The following AFF2 variants were observed in gnomAD, a reference collection of about 807,000 sequenced individuals.
AFF2 encodes AF4/FMR2 family member 2.
A neutral mutation model predicts 76.9 loss-of-function variants in AFF2; 14 were observed. The ratio of observed to expected loss-of-function variants is 0.18; its 90% CI spans 0.12 to 0.28. The LOEUF (loss-of-function observed/expected upper bound fraction) is 0.28. AFF2 is among the 10% of genes least tolerant of loss of function. The pLI, the probability that AFF2 is intolerant of heterozygous loss-of-function variation, is 1.00. For missense variants in AFF2, 868 were observed against 1,001.1 expected, an observed-to-expected ratio of 0.87 and a Z score of 1.79; for synonymous variants, 398 against 366.7, an observed-to-expected ratio of 1.09 and a Z score of -0.98.
intron 3 of AFF2, among the ~76,000 whole-genome samples, chrX:148,708,714 AAAAACAAAAC>A (rs1263909351): frequency 8.9e-6 from 1 of 112,384 alleles, no homozygotes; most frequent in Non-Finnish European, 1.9e-5. Flanking sequence ...ACTCCGTCTC[AAAAACAAAAC>A]AAAACAAAAC....
chrX:148,668,063 C>T (rs1287896087), intron 3 of AFF2, among the ~76,000 whole-genome samples: 1 of 113,024 alleles, frequency 8.8e-6, no homozygotes, highest in Non-Finnish European at 1.9e-5. Context: ...TACAGCTATT[C>T]CAAATGGGAG....
At chrX:148,686,252 C>T (rs73638176) in intron 3 of AFF2, among the ~76,000 whole-genome samples, 5,167 of 111,512 alleles carry the variant, frequency 0.046, 312 homozygotes, top group African/African-American at 0.16. Flanking sequence ...ATCCAGAAAT[C>T]GAGCAATGGG....
intron 3 of AFF2, among the ~76,000 whole-genome samples, chrX:148,745,314 G>C (rs2055407641): frequency 9.0e-6 from 1 of 111,647 alleles, no homozygotes; most frequent in Non-Finnish European, 1.9e-5. Flanking sequence ...TCAGTAAATG[G>C]ATGACCAGAC....
At chrX:148,708,030 C>T (rs782408499) in intron 3 of AFF2, among the ~76,000 whole-genome samples, 4 of 111,839 alleles carry the variant, frequency 3.6e-5, no homozygotes, top group South Asian at 3.7e-4. Flanking sequence ...TACCCTGCAG[C>T]CCCCTAAATC....
chrX:148,853,982 A>G (rs2070759982), intron 7 of AFF2, among the ~76,000 whole-genome samples: 1 of 112,246 alleles, frequency 8.9e-6, no homozygotes, highest in African/African-American at 3.2e-5. Context: ...GTCTTAGAGA[A>G]TGGGATTTGG....
intron 3 of AFF2, among the ~76,000 whole-genome samples, chrX:148,670,905 CATT>C (rs1382586279): frequency 8.9e-6 from 1 of 111,943 alleles, no homozygotes; most frequent in Non-Finnish European, 1.9e-5. Flanking sequence ...TTTTCATTGG[CATT>C]AGTCAAACCC....
chrX:148,658,880 C>T (rs2054278310), intron 2 of AFF2, among the ~76,000 whole-genome samples: 1 of 111,986 alleles, frequency 8.9e-6, no homozygotes, highest in Non-Finnish European at 1.9e-5. Context: ...TTGATATAGA[C>T]AGGGTATGAA....
rs985878818 is a variant in AFF2 at position 148,979,352 on chromosome X, T to A, written c.3570+897T>A. Reference sequence around the variant, plus strand: ...TGGGAAAAAGAGCATGTTTCCCAGCTATTATGTGGTGTGGCCATAATGCCA... The same window carrying A: ...TGGGAAAAAGAGCATGTTTCCCAGCAATTATGTGGTGTGGCCATAATGCCA... On this transcript the variant is annotated intron_variant, in intron 18 of 20. Transcript: ENST00000370460. Among the ~76,000 whole-genome samples, 7 of 112,395 alleles carry A rather than the reference T, an allele frequency of 6.2e-5. 1 individual carries two copies. Among genetic ancestry groups the A allele is most frequent in the Non-Finnish European group, 3.8e-5 (2 of 53,283 alleles).
rs924358884 is a variant in AFF2 at position 148,838,897 on chromosome X, G to A, written c.1173+1164G>A. Among the ~76,000 whole-genome samples the A allele has an allele frequency of 4.0e-4, 45 of 111,901 alleles. 1 individual carries two copies. The highest frequency in any genetic ancestry group is 1.4e-3 in the African/African-American group (44 of 30,747). On this transcript the variant is annotated intron_variant, in intron 5 of 20. Transcript: ENST00000370460. ...TGATCTTCCTTCACCTATGAAAGAG[G>A]TCAGAACTAAACGAACAGCTAATCT...
At chrX:148,704,468 T>TTA (rs1217754228) in intron 3 of AFF2, among the ~76,000 whole-genome samples, 2 of 34,938 alleles carry the variant, frequency 5.7e-5, no homozygotes, top group Non-Finnish European at 1.1e-4. Context: ...GTGTATATAT[T>TTA]TATATATATG....
rs374626798 is a variant in AFF2 at position 148,955,969 on chromosome X, G to A, written c.1924G>A (p.Glu642Lys). The change falls in exon 11 of 21, where the codon GAG becomes AAG. Residue 642 changes from glutamate to lysine, a missense_variant. Physicochemically the swap from Glu to Lys is moderately conservative, Grantham distance 56. Coordinates refer to ENST00000370460, the MANE Select transcript of AFF2 (RefSeq NM_002025.4). ...AGTTGAGAAGAACACCAGCACTGAC[G>A]AGTTTACCTGGCCCAAACCAAATAT... ...KKVEKNTSTDEFTWPKPNITS... is the reference protein window; with the variant it reads ...KKVEKNTSTDKFTWPKPNITS... 9.1e-6 allele frequency: 11 copies of A among 1,209,235 alleles called. No individual in the cohort carries two copies. The highest frequency in any genetic ancestry group is 3.5e-5 in the South Asian group (2 of 56,656).
At chrX:148,983,736 A>G (rs2072423228) in intron 19 of AFF2, among the ~76,000 whole-genome samples, 1 of 108,868 alleles carries the variant, frequency 9.2e-6, no homozygotes, top group Admixed American at 9.9e-5. Context: ...TTGAGTGCCT[A>G]CCTTGTGTGA....
chrX:148,834,498 G>A (rs2070495461), intron 4 of AFF2, among the ~76,000 whole-genome samples: 1 of 86,455 alleles, frequency 1.2e-5, no homozygotes, highest in African/African-American at 4.2e-5. Flanking sequence ...GTTCAGACCA[G>A]TCTCAGATGT....
intron 1 of AFF2, among the ~76,000 whole-genome samples, chrX:148,635,793 G>A (rs2054024826): frequency 9.1e-6 from 1 of 109,868 alleles, no homozygotes; most frequent in Admixed American, 9.7e-5. Context: ...CCAGGGTAGG[G>A]CCACTCCAGA....
In AFF2 at chrX:148,701,082, C is replaced by T. The variant is rs1321787857; in HGVS notation, c.1041+38314C>T. Among the ~76,000 whole-genome samples, 7 of 107,828 alleles carry T rather than the reference C, an allele frequency of 6.5e-5. No homozygotes were observed. In the East Asian group the frequency reaches 1.7e-3, roughly 27 times the overall value. 93.6% of individuals were successfully genotyped at this position (107,828 alleles called of 115,157 possible). ...GTGCCCATGTGCACATGTGCCCACA[C>T]CATTATGGTAAATTGCCTTGGTGGA... is the stretch of plus-strand genomic sequence containing the variant. On this transcript the variant is annotated intron_variant, in intron 3 of 20. Transcript: ENST00000370460.
At chrX:148,568,478 A>G (rs1226254651) in intron 1 of AFF2, among the ~76,000 whole-genome samples, 1 of 112,336 alleles carries the variant, frequency 8.9e-6, no homozygotes, top group Admixed American at 9.4e-5. Flanking sequence ...AAGCCTAATC[A>G]GTACTACAGC....
intron 3 of AFF2, among the ~76,000 whole-genome samples, chrX:148,702,584 T>A (rs193146730): frequency 1.9e-4 from 21 of 111,500 alleles, no homozygotes; most frequent in Non-Finnish European, 3.2e-4. Flanking sequence ...CTGTCAGGAG[T>A]GTCCCATGAA....
chrX:148,830,552 C>G (rs1221366761), intron 4 of AFF2, among the ~76,000 whole-genome samples: 1 of 111,791 alleles, frequency 8.9e-6, no homozygotes, highest in Non-Finnish European at 1.9e-5. Context: ...GTTTTTAAAG[C>G]TGGGTGTCTG....
At chrX:148,594,955 ACTGC>A (rs2124378154) in intron 1 of AFF2, among the ~76,000 whole-genome samples, 2 of 111,998 alleles carry the variant, frequency 1.8e-5, no homozygotes, top group South Asian at 7.4e-4. Flanking sequence ...ACACACAGGG[ACTGC>A]CAGTTTGCTT....
Sources: allele counts gnomAD v4.1 joint callset (sites outside exome capture counted in the v4.1 genomes callset), GRCh38; gene constraint gnomAD v4.1.1; transcripts MANE v1.5; gene names NCBI Gene and HGNC (gene_info 2026-07-23, HGNC 2026-07-21).